The following ABCC4 variants were observed in gnomAD, a reference collection of about 807,000 sequenced individuals.
The protein encoded by ABCC4 is ATP binding cassette subfamily C member 4 (PEL blood group), also known as ATP-binding cassette sub-family C member 4.
In ABCC4, 102 loss-of-function variants were observed where a neutral mutation model predicts 168.5. The ratio of observed to expected loss-of-function variants is 0.61; its 90% CI spans 0.52 to 0.71. The LOEUF (loss-of-function observed/expected upper bound fraction) is 0.71, where lower values mean the gene tolerates loss of function less well. ABCC4 is among the 30% of genes least tolerant of loss of function. The probability of loss-of-function intolerance (pLI) is 0.00; values close to 1 mark genes in which losing one functional copy is unlikely to be tolerated. For synonymous variants in ABCC4, 617 were observed against 590.7 expected, an observed-to-expected ratio of 1.04 and a Z score of -0.65; for missense variants, 1,402 against 1,605.8, an observed-to-expected ratio of 0.87 and a Z score of 2.17.
At chr13:95,261,292 T>C (rs2040525605) in intron 1 of ABCC4, among the ~76,000 whole-genome samples, 1 of 151,852 alleles carries the variant, frequency 6.6e-6, no homozygotes, top group South Asian at 2.1e-4. Context: ...CTACTAAAAA[T>C]ACAAAAATTA....
At chr13:95,079,205 C>G (rs1469560364) in intron 21 of ABCC4, among the ~76,000 whole-genome samples, 1 of 152,188 alleles carries the variant, frequency 6.6e-6, no homozygotes, top group Non-Finnish European at 1.5e-5. Context: ...CTCTAACGTA[C>G]TAGTCAGCAG....
At chr13:95,226,496 A>C (rs2039469863) in intron 4 of ABCC4, among the ~76,000 whole-genome samples, 1 of 152,204 alleles carries the variant, frequency 6.6e-6, no homozygotes, top group South Asian at 2.1e-4. Flanking sequence ...TCTCCAACTT[A>C]ATTCAATGGG....
At chr13:95,137,109 G>A (rs1878985968) in intron 19 of ABCC4, among the ~76,000 whole-genome samples, 1 of 152,146 alleles carries the variant, frequency 6.6e-6, no homozygotes, top group Non-Finnish European at 1.5e-5. Context: ...GTCCCCTACC[G>A]GATCCACCCC....
In ABCC4 at chr13:95,269,887, C is replaced by T. The variant is rs568221546; in HGVS notation, c.75-22134G>A. 3.3e-5 allele frequency among the ~76,000 whole-genome samples: 5 copies of T among 152,260 alleles called. No homozygotes were observed. The South Asian group carries it at 1.0e-3, about 32-fold the overall frequency. On this transcript the variant is annotated intron_variant, in intron 1 of 30. Coordinates refer to ENST00000645237, the MANE Select transcript of ABCC4 (RefSeq NM_005845.5). ...AAAAACAGAGCAATGAAATACCATT[C>T]TTCACTTCACTCATCAGATGTGCCA...
intron 1 of ABCC4, among the ~76,000 whole-genome samples, chr13:95,290,528 A>G (rs1353358519): frequency 2.0e-5 from 3 of 151,946 alleles, no homozygotes; most frequent in Non-Finnish European, 4.4e-5. Context: ...AACATGGTGA[A>G]ACCCTATCTC....
chr13:95,249,853 T>C (rs2040209347), intron 1 of ABCC4, among the ~76,000 whole-genome samples: 1 of 152,236 alleles, frequency 6.6e-6, no homozygotes, highest in South Asian at 2.1e-4. Context: ...ATGGTAACTC[T>C]GTTCCACAGG....
chr13:95,125,870 C>G (rs1164195959), intron 19 of ABCC4, among the ~76,000 whole-genome samples: 1 of 152,132 alleles, frequency 6.6e-6, no homozygotes, highest in Admixed American at 6.5e-5. Context: ...CAAGAATACA[C>G]CAGGGAGGAG....
chr13:95,157,939 G>C (rs185738185), intron 19 of ABCC4, among the ~76,000 whole-genome samples: 1 of 152,168 alleles, frequency 6.6e-6, no homozygotes, highest in East Asian at 1.9e-4. Context: ...GGGCGTGGTG[G>C]TGGGTGCCTG....
intron 19 of ABCC4, among the ~76,000 whole-genome samples, chr13:95,159,161 G>A (rs1274917938): frequency 7.6e-6 from 1 of 131,160 alleles, no homozygotes; most frequent in Non-Finnish European, 1.6e-5. Context: ...AATCAGTAAT[G>A]TGAATTCTGA....
chr13:95,301,372 G>A lies in ABCC4; in HGVS notation c.-58C>T. On this transcript the variant is annotated 5_prime_UTR_variant, in exon 1 of 31. Coordinates refer to ENST00000645237, the MANE Select transcript of ABCC4 (RefSeq NM_005845.5). ...GCGCTGATCAGGCGGCGGTGGCCGC[G>A]GGCTCCGCTCCTGGACCTCAAGCAG... is the stretch of plus-strand genomic sequence containing the variant. 2 of 1,472,962 alleles carry A rather than the reference G, an allele frequency of 1.4e-6. No individual in the cohort carries two copies. The highest frequency in any genetic ancestry group is 2.7e-5 in the East Asian group (1 of 37,172). 91.2% of individuals were successfully genotyped at this position (1,472,962 alleles called of 1,614,324 possible).
chr13:95,134,786 A>C (rs1056436603), intron 19 of ABCC4, among the ~76,000 whole-genome samples: 7 of 152,062 alleles, frequency 4.6e-5, no homozygotes, highest in African/African-American at 1.7e-4. Flanking sequence ...GCTCAGGGGA[A>C]GTGGGGGTCC....
At chr13:95,025,502 G>A (rs77857701) in intron 30 of ABCC4, among the ~76,000 whole-genome samples, 390 of 13,466 alleles carry the variant, frequency 0.029, 13 homozygotes, top group African/African-American at 0.053. Flanking sequence ...ATCCCTCCCT[G>A]CATCCCCCCC....
chr13:95,262,736 G>A (rs1422333086), intron 1 of ABCC4, among the ~76,000 whole-genome samples: 2 of 151,736 alleles, frequency 1.3e-5, no homozygotes, highest in South Asian at 2.1e-4. Context: ...GGGTTCAAGC[G>A]ATTCTCCTGC....
intron 30 of ABCC4, among the ~76,000 whole-genome samples, chr13:95,024,578 C>A: frequency 6.6e-6 from 1 of 152,170 alleles, no homozygotes; most frequent in Non-Finnish European, 1.5e-5. Context: ...ACATTGCATT[C>A]CTAAGATACC....
chr13:95,121,561 C>G (rs1011857011), intron 19 of ABCC4, among the ~76,000 whole-genome samples: 2 of 151,660 alleles, frequency 1.3e-5, no homozygotes, highest in Non-Finnish European at 2.9e-5. Context: ...GGTGCACCAC[C>G]ATGCCTGGCT....
chr13:95,130,365 A>G (rs1432248632), intron 19 of ABCC4, among the ~76,000 whole-genome samples: 4 of 150,032 alleles, frequency 2.7e-5, no homozygotes, highest in African/African-American at 9.7e-5. Flanking sequence ...TGTGAATATT[A>G]AATCTCTTTT....
intron 19 of ABCC4, among the ~76,000 whole-genome samples, chr13:95,131,254 C>T (rs2035949518): frequency 6.6e-6 from 1 of 152,154 alleles, no homozygotes; most frequent in African/African-American, 2.4e-5. Context: ...AAAGGGGAAG[C>T]ATGCCAAGGA....
In ABCC4 at chr13:95,053,182, T is replaced by C; in HGVS notation, c.3369A>G (p.Glu1123=). 1.2e-6 allele frequency: 2 copies of C among 1,613,964 alleles called. No homozygotes were observed. Among genetic ancestry groups the C allele is most frequent in the Non-Finnish European group, 1.7e-6 (2 of 1,179,848 alleles). ...TCATTGTTCCAGTGAACAAAACAGG[T>C]TCCTAAGTGCCCAAAATAGTCACGG... ...LRKKMSIIPQ[E]PVLFTGTMRK... The change falls in exon 27 of 31, where the codon GAA becomes GAG. Residue 1123 remains glutamate (E), a splice_region_variant and synonymous_variant. Coordinates refer to ENST00000645237, the MANE Select transcript of ABCC4 (RefSeq NM_005845.5).
intron 19 of ABCC4, among the ~76,000 whole-genome samples, chr13:95,156,608 A>G (rs1455096884): frequency 1.3e-5 from 2 of 152,230 alleles, no homozygotes; most frequent in Admixed American, 6.5e-5. Context: ...TGCAGCGAAC[A>G]GTACCAGAAA....
Sources: allele counts gnomAD v4.1 joint callset (sites outside exome capture counted in the v4.1 genomes callset), GRCh38; gene constraint gnomAD v4.1.1; transcripts MANE v1.5; gene names NCBI Gene and HGNC (gene_info 2026-07-23, HGNC 2026-07-21).